Variants in SCFD2 observed in about 807,000 individuals in gnomAD.
SCFD2 encodes sec1 family domain containing 2, also known as sec1 family domain-containing protein 2.
Under a neutral mutation model 58.9 loss-of-function variants are expected in SCFD2, and 54 were observed. That is an observed-to-expected ratio of 0.92 (90% CI 0.74 to 1.15). SCFD2 has a LOEUF of 1.15. SCFD2 is among the 50% of genes most tolerant of loss of function. SCFD2 has a pLI of 0.00. For synonymous variants in SCFD2, 321 were observed against 335.9 expected, an observed-to-expected ratio of 0.96 and a Z score of 0.49; for missense variants, 805 against 836.6, an observed-to-expected ratio of 0.96 and a Z score of 0.47.
chr4:53,015,073 T>A (rs779130810), intron 5 of SCFD2, among the ~76,000 whole-genome samples: 11 of 152,072 alleles, frequency 7.2e-5, no homozygotes, highest in Non-Finnish European at 1.2e-4. Context: ...AGTCAGTGAG[T>A]CAGGAGGAGA....
chr4:53,173,398 C>T (rs916599593), intron 4 of SCFD2, among the ~76,000 whole-genome samples: 2 of 152,076 alleles, frequency 1.3e-5, no homozygotes, highest in African/African-American at 2.4e-5. Flanking sequence ...TGTATAACTA[C>T]CTCTGCTGTT....
chr4:52,979,835 G>T (rs1416039939), intron 5 of SCFD2, among the ~76,000 whole-genome samples: 1 of 152,070 alleles, frequency 6.6e-6, no homozygotes, highest in Non-Finnish European at 1.5e-5. Flanking sequence ...ACCTACCCAG[G>T]CCAGAAACCT....
chr4:53,076,381 G>C (rs1041229486), intron 5 of SCFD2, among the ~76,000 whole-genome samples: 14 of 152,120 alleles, frequency 9.2e-5, no homozygotes, highest in African/African-American at 3.4e-4. Flanking sequence ...CAGAATGGCA[G>C]GCAAGAGCGG....
intron 5 of SCFD2, 140 bp downstream of exon 5, chr4:53,145,193 G>T: frequency 9.8e-7 from 1 of 1,020,942 alleles, no homozygotes; most frequent in Non-Finnish European, 1.4e-6. Context: ...CTATAGGCTG[G>T]CTAGCATTCA....
At chr4:53,217,092 C>A (rs530818823) in intron 4 of SCFD2, among the ~76,000 whole-genome samples, 2 of 152,040 alleles carry the variant, frequency 1.3e-5, no homozygotes, top group African/African-American at 4.8e-5. Flanking sequence ...GGAATAAGTG[C>A]GATGTGGTGC....
chr4:52,920,468 C>A (rs866846506), intron 6 of SCFD2, among the ~76,000 whole-genome samples: 7 of 152,074 alleles, frequency 4.6e-5, no homozygotes, highest in Non-Finnish European at 8.8e-5. Context: ...AATCAGTCTG[C>A]GACAAACCCA....
chr4:53,193,118 C>A (rs898399776), intron 4 of SCFD2, among the ~76,000 whole-genome samples: 4 of 152,102 alleles, frequency 2.6e-5, no homozygotes, highest in African/African-American at 9.7e-5. Context: ...ACTTTAAGGT[C>A]AGCCAAATAA....
intron 2 of SCFD2, among the ~76,000 whole-genome samples, chr4:53,343,514 C>T (rs1395974094): frequency 2.0e-5 from 3 of 152,080 alleles, no homozygotes; most frequent in Non-Finnish European, 4.4e-5. Context: ...ATCCAAAGTC[C>T]ACCAGAGGTA....
At chr4:53,044,357 T>A (rs776119277) in intron 5 of SCFD2, among the ~76,000 whole-genome samples, 1 of 152,102 alleles carries the variant, frequency 6.6e-6, no homozygotes, top group African/African-American at 2.4e-5. Context: ...CCTCCCCCTT[T>A]TATTTTTCAA....
intron 5 of SCFD2, among the ~76,000 whole-genome samples, chr4:52,994,092 C>A (rs1356345557): frequency 6.6e-6 from 1 of 152,202 alleles, no homozygotes; most frequent in African/African-American, 2.4e-5. Flanking sequence ...CCTGGGGCAT[C>A]CTCAGGCCAG....
chr4:53,087,147 C>T (rs932168558), intron 5 of SCFD2, among the ~76,000 whole-genome samples: 1 of 152,056 alleles, frequency 6.6e-6, no homozygotes, highest in African/African-American at 2.4e-5. Context: ...AACATATACA[C>T]CAACTACTAC....
chr4:53,228,297 G>C (rs1729294134), intron 4 of SCFD2, among the ~76,000 whole-genome samples: 1 of 152,086 alleles, frequency 6.6e-6, no homozygotes, highest in Non-Finnish European at 1.5e-5. Context: ...GTGGTGTGGT[G>C]AAACAAAAGT....
intron 5 of SCFD2, among the ~76,000 whole-genome samples, chr4:52,941,562 C>T (rs1357733473): frequency 6.6e-6 from 1 of 152,202 alleles, no homozygotes; most frequent in African/African-American, 2.4e-5. Flanking sequence ...ACCTAACTGT[C>T]TTCATCATTG....
chr4:53,212,544 G>C lies in SCFD2; in HGVS notation c.1311+61282C>G, dbSNP rs558405392. On this transcript the variant is annotated intron_variant, in intron 4 of 8. Coordinates refer to ENST00000401642, the MANE Select transcript of SCFD2 (RefSeq NM_152540.4). ...AACCCACACAATATAGTATTAAGGA[G>C]ATGGTAAGAGAGAGAGGAAGAAAGT... Among the ~76,000 whole-genome samples, 21 of 150,512 alleles carry C rather than the reference G, an allele frequency of 1.4e-4. 1 individual carries two copies. The highest frequency in any genetic ancestry group is 4.4e-4 in the African/African-American group (18 of 40,926).
At chr4:53,223,502 T>C (rs1729108831) in intron 4 of SCFD2, among the ~76,000 whole-genome samples, 1 of 152,238 alleles carries the variant, frequency 6.6e-6, no homozygotes, top group Non-Finnish European at 1.5e-5. Flanking sequence ...TGTGAGATCC[T>C]GCAACATGCT....
At chr4:53,325,494 C>A (rs1733163886) in intron 2 of SCFD2, among the ~76,000 whole-genome samples, 1 of 151,828 alleles carries the variant, frequency 6.6e-6, no homozygotes, top group African/African-American at 2.4e-5. Flanking sequence ...ACAATCTAGA[C>A]CTGCAATAAA....
chr4:52,914,352 A>T (rs535467403), intron 6 of SCFD2, among the ~76,000 whole-genome samples: 1 of 152,312 alleles, frequency 6.6e-6, no homozygotes, highest in East Asian at 1.9e-4. Context: ...GTTCTTACAG[A>T]GGAATTAGCT....
intron 5 of SCFD2, among the ~76,000 whole-genome samples, chr4:53,069,096 T>C (rs1560321878): frequency 6.6e-6 from 1 of 152,074 alleles, no homozygotes; most frequent in Non-Finnish European, 1.5e-5. Context: ...CAGAGAGGCA[T>C]AGAAAGTGGC....
At chr4:53,060,216 G>A (rs1723465334) in intron 5 of SCFD2, among the ~76,000 whole-genome samples, 1 of 152,104 alleles carries the variant, frequency 6.6e-6, no homozygotes, top group Non-Finnish European at 1.5e-5. Flanking sequence ...GAGTGCTAAG[G>A]AACTAGAGGC....
Sources: allele counts gnomAD v4.1 joint callset (sites outside exome capture counted in the v4.1 genomes callset), GRCh38; gene constraint gnomAD v4.1.1; transcripts MANE v1.5; gene names NCBI Gene and HGNC (gene_info 2026-07-23, HGNC 2026-07-21).